The following DMD variants were observed in gnomAD, a reference collection of about 807,000 sequenced individuals.
DMD encodes mutant dystrophin.
A neutral mutation model predicts 330.1 loss-of-function variants in DMD; 63 were observed. That is an observed-to-expected ratio of 0.19 (90% CI 0.16 to 0.24). The LOEUF is 0.24. Ranked by LOEUF, DMD falls within the 10% of genes least tolerant of loss-of-function variation. DMD has a pLI of 1.00. For missense variants in DMD, 3,344 were observed against 2,684.1 expected, an observed-to-expected ratio of 1.25 and a Z score of -5.43; for synonymous variants, 1,223 against 959.8, an observed-to-expected ratio of 1.27 and a Z score of -5.07.
chrX:32,639,661 A>G (rs1399634659), intron 11 of DMD, among the ~76,000 whole-genome samples: 1 of 112,414 alleles, frequency 8.9e-6, no homozygotes, highest in Non-Finnish European at 1.9e-5. Flanking sequence ...ATAGCAAGGA[A>G]AGAATCAAAT....
intron 44 of DMD, among the ~76,000 whole-genome samples, chrX:31,969,303 C>A (rs2095378396): frequency 9.0e-6 from 1 of 111,169 alleles, no homozygotes. Context: ...ATGCTTTTTA[C>A]CATTAAATAA....
intron 19 of DMD, among the ~76,000 whole-genome samples, chrX:32,496,730 C>T (rs1423037324): frequency 8.9e-6 from 1 of 112,788 alleles, no homozygotes; most frequent in Non-Finnish European, 1.9e-5. Context: ...GAGGCTCTTC[C>T]TTTTGGAGAT....
At chrX:32,439,640 T>C (rs1473210308) in intron 28 of DMD, among the ~76,000 whole-genome samples, 2 of 111,463 alleles carry the variant, frequency 1.8e-5, no homozygotes, top group East Asian at 5.6e-4. Flanking sequence ...CAAGAAAACC[T>C]AGAAGTCGTG....
At chrX:32,102,877 T>G (rs2096546775) in intron 44 of DMD, among the ~76,000 whole-genome samples, 1 of 112,047 alleles carries the variant, frequency 8.9e-6, no homozygotes, top group Non-Finnish European at 1.9e-5. Context: ...CAAATGTCTT[T>G]GGAAAAAAAG....
intron 61 of DMD, among the ~76,000 whole-genome samples, chrX:31,344,037 C>CG (rs58479792): frequency 0.089 from 7,351 of 82,897 alleles, 406 homozygotes; most frequent in Admixed American, 0.15. Flanking sequence ...GATTGGAGTG[C>CG]GGGGGGGGGT....
At chrX:32,880,704 G>A (rs185084979) in intron 2 of DMD, among the ~76,000 whole-genome samples, 1,632 of 112,511 alleles carry the variant, frequency 0.015, 18 homozygotes, top group Non-Finnish European at 0.023. Context: ...CAGCACTTTA[G>A]ACGGCCGAGG....
chrX:32,606,928 C>T (rs1361587823), intron 12 of DMD, among the ~76,000 whole-genome samples: 1 of 108,862 alleles, frequency 9.2e-6, no homozygotes, highest in Non-Finnish European at 1.9e-5. Flanking sequence ...TAAGAAGAAA[C>T]TAAACAAAGG....
intron 44 of DMD, among the ~76,000 whole-genome samples, chrX:32,038,550 C>T (rs370029001): frequency 1.8e-5 from 2 of 111,028 alleles, no homozygotes; most frequent in Non-Finnish European, 3.8e-5. Context: ...GAGGGATAGA[C>T]AGAGTTCCAA....
chrX:32,501,672 CTGATA>C (rs776521427), intron 19 of DMD, 78 bp downstream of exon 19: 1 of 690,953 alleles, frequency 1.4e-6, no homozygotes, highest in Non-Finnish European at 2.3e-6. Flanking sequence ...AAGTGCTTGT[CTGATA>C]TAATTCAGCT....
chrX:31,501,143 A>G (rs1006039615), intron 56 of DMD, among the ~76,000 whole-genome samples: 7 of 112,235 alleles, frequency 6.2e-5, no homozygotes, highest in African/African-American at 2.3e-4. Context: ...TATTTACACT[A>G]TGCCCAAGTA....
At chrX:32,440,205 C>A (rs1317447602) in intron 28 of DMD, among the ~76,000 whole-genome samples, 1 of 111,797 alleles carries the variant, frequency 8.9e-6, no homozygotes, top group Non-Finnish European at 1.9e-5. Flanking sequence ...ATTGCTGATT[C>A]ACAAGAAATG....
intron 55 of DMD, among the ~76,000 whole-genome samples, chrX:31,514,065 C>T (rs2071933990): frequency 9.0e-6 from 1 of 111,616 alleles, no homozygotes; most frequent in African/African-American, 3.3e-5. Flanking sequence ...GCAAATCTAG[C>T]ACTGCCATTA....
intron 54 of DMD, among the ~76,000 whole-genome samples, chrX:31,644,279 T>C (rs548457412): frequency 1.8e-5 from 2 of 111,760 alleles, no homozygotes; most frequent in South Asian, 7.4e-4. Context: ...AACACATCAC[T>C]GTATGTGAGA....
chrX:32,786,431 GGTGA>G (rs1353779007), intron 7 of DMD, among the ~76,000 whole-genome samples: 16 of 110,530 alleles, frequency 1.4e-4, no homozygotes, highest in African/African-American at 5.3e-4. Flanking sequence ...TTTCATAACT[GGTGA>G]GTGTCTCCCT....
chrX:32,712,409 A>C (rs1459776798), intron 7 of DMD, among the ~76,000 whole-genome samples: 1 of 111,687 alleles, frequency 9.0e-6, no homozygotes, highest in East Asian at 2.8e-4. Flanking sequence ...TCTAATTCTT[A>C]AATGTGAAAC....
At chrX:32,826,179 G>C (rs1337796956) in intron 4 of DMD, among the ~76,000 whole-genome samples, 2 of 111,382 alleles carry the variant, frequency 1.8e-5, no homozygotes, top group Non-Finnish European at 3.8e-5. Context: ...TTATCAAAAA[G>C]ACAAAAGGTA....
intron 60 of DMD, among the ~76,000 whole-genome samples, chrX:31,404,368 C>G (rs929456084): frequency 9.0e-6 from 1 of 111,655 alleles, no homozygotes; most frequent in Non-Finnish European, 1.9e-5. Context: ...TTCTAGATTT[C>G]ATTTGTGTGG....
chrX:32,438,198 T>G (rs780801412), intron 29 of DMD, 43 bp downstream of exon 29: 2 of 1,185,237 alleles, frequency 1.7e-6, no homozygotes, highest in Non-Finnish European at 2.3e-6. Context: ...TGCTATACAT[T>G]AATGCAAATT....
chrX:32,441,979 T>G lies in DMD; in HGVS notation c.3787-665A>C, dbSNP rs2098283000. Among the ~76,000 whole-genome samples the G allele has an allele frequency of 3.6e-5, 4 of 111,005 alleles. No homozygotes were observed. The South Asian group carries it at 1.5e-3, about 41-fold the overall frequency. Reference sequence around the variant, plus strand: ...GGTATATTATCGGAAATATTACCACTAATTCAAAGGTTTGATTATTTTAAA... The same window carrying G: ...GGTATATTATCGGAAATATTACCACGAATTCAAAGGTTTGATTATTTTAAA... On this transcript the variant is annotated intron_variant, in intron 27 of 78. Coordinates refer to ENST00000357033, the MANE Select transcript of DMD (RefSeq NM_004006.3).
Sources: gnomAD v4.1 joint callset for allele counts (sites outside exome capture counted in the v4.1 genomes callset) on GRCh38, gnomAD v4.1.1 for gene constraint, MANE v1.5 for transcripts, NCBI Gene and HGNC (gene_info 2026-07-23, HGNC 2026-07-21) for gene names.